Variants in SLX4IP observed in about 807,000 individuals in gnomAD.
SLX4IP encodes protein SLX4IP.
SLX4IP carries 34 observed loss-of-function variants against 32.9 expected under a neutral mutation model. The ratio of observed to expected loss-of-function variants is 1.03; its 90% CI spans 0.79 to 1.38. SLX4IP has a LOEUF of 1.38. SLX4IP is among the 40% of genes most tolerant of loss of function. The pLI, the probability that SLX4IP is intolerant of heterozygous loss-of-function variation, is 0.00. For synonymous variants in SLX4IP, 172 were observed against 171.7 expected, an observed-to-expected ratio of 1.00 and a Z score of -0.01; for missense variants, 444 against 479.0, an observed-to-expected ratio of 0.93 and a Z score of 0.68.
intron 1 of SLX4IP, 64 bp from the exon 2 acceptor site, chr20:10,458,112 T>C (rs1363696130): frequency 2.0e-6 from 2 of 1,022,936 alleles, no homozygotes; most frequent in African/African-American, 3.3e-5. Flanking sequence ...ATCTTTTTCC[T>C]GTATAATATC....
intron 4 of SLX4IP, among the ~76,000 whole-genome samples, chr20:10,582,556 A>G (rs1372446133): frequency 6.6e-6 from 1 of 152,144 alleles, no homozygotes; most frequent in Non-Finnish European, 1.5e-5. Flanking sequence ...TGAGTCTGCA[A>G]GATGTGTGTG....
chr20:10,545,752 A>C (rs1041639532), intron 2 of SLX4IP, among the ~76,000 whole-genome samples: 1 of 152,154 alleles, frequency 6.6e-6, no homozygotes, highest in African/African-American at 2.4e-5. Context: ...CTTTGGTTCC[A>C]CCCACAGAGG....
At chr20:10,618,899 T>C (rs1168067471) in intron 6 of SLX4IP, among the ~76,000 whole-genome samples, 8 of 128,588 alleles carry the variant, frequency 6.2e-5, no homozygotes, top group African/African-American at 2.4e-4. Flanking sequence ...TCCCAGGTGA[T>C]AGCTGCTTCC....
chr20:10,565,656 A>G (rs528876983), intron 4 of SLX4IP, among the ~76,000 whole-genome samples: 6 of 152,396 alleles, frequency 3.9e-5, no homozygotes, highest in African/African-American at 1.4e-4. Flanking sequence ...TCATCAAAAC[A>G]TAGGATGATG....
At chr20:10,609,894 CTG>C (rs1360101574) in intron 6 of SLX4IP, among the ~76,000 whole-genome samples, 1 of 151,976 alleles carries the variant, frequency 6.6e-6, no homozygotes, top group East Asian at 1.9e-4. Context: ...TACTTTTAAA[CTG>C]GAGTTACTAG....
At chr20:10,469,872 A>T (rs1171377465) in intron 2 of SLX4IP, among the ~76,000 whole-genome samples, 1 of 152,140 alleles carries the variant, frequency 6.6e-6, no homozygotes, top group Non-Finnish European at 1.5e-5. Context: ...GCCTTTTATG[A>T]ATGTGTATAT....
At chr20:10,557,835 T>G (rs935880613) in intron 3 of SLX4IP, among the ~76,000 whole-genome samples, 1 of 152,102 alleles carries the variant, frequency 6.6e-6, no homozygotes, top group Non-Finnish European at 1.5e-5. Flanking sequence ...TAGGTTTTTG[T>G]TTTTTTAGGA....
At chr20:10,615,360 ACTCT>A (rs1266791871) in intron 6 of SLX4IP, among the ~76,000 whole-genome samples, 2 of 151,830 alleles carry the variant, frequency 1.3e-5, no homozygotes, top group African/African-American at 4.8e-5. Context: ...CTTCCATGTC[ACTCT>A]CTCTTGCCTC....
chr20:10,474,183 T>C (rs1387496694), intron 2 of SLX4IP, among the ~76,000 whole-genome samples: 1 of 152,152 alleles, frequency 6.6e-6, no homozygotes, highest in East Asian at 1.9e-4. Flanking sequence ...CCCAAAGTGC[T>C]GGGTTTACAG....
intron 1 of SLX4IP, among the ~76,000 whole-genome samples, chr20:10,446,080 G>A (rs1330080619): frequency 1.3e-5 from 2 of 151,778 alleles, no homozygotes; most frequent in African/African-American, 4.8e-5. Context: ...CACGTTGAAG[G>A]ATGTCTGGGT....
In SLX4IP at chr20:10,476,432, A is replaced by G. The variant is rs1335381995; in HGVS notation, c.27+18201A>G. Among the ~76,000 whole-genome samples, 4 of 152,202 alleles carry G rather than the reference A, an allele frequency of 2.6e-5. No homozygotes were observed. In the South Asian group the frequency reaches 6.2e-4, roughly 24 times the overall value. ...GTACTTCCTCCACAACAAAAAATGC[A>G]TTGTAGCTTTAGTATTTTTAATTGT... is the stretch of plus-strand genomic sequence containing the variant. On this transcript the variant is annotated intron_variant, in intron 2 of 7. Transcript: ENST00000334534.
At chr20:10,539,018 G>A (rs768504810) in intron 2 of SLX4IP, among the ~76,000 whole-genome samples, 20 of 152,280 alleles carry the variant, frequency 1.3e-4, no homozygotes, top group Middle Eastern at 3.4e-3. Context: ...AAATAATTTA[G>A]TGTCTTTTTA....
At chr20:10,456,586 C>T (rs59371580) in intron 1 of SLX4IP, among the ~76,000 whole-genome samples, 5 of 152,150 alleles carry the variant, frequency 3.3e-5, no homozygotes, top group South Asian at 2.1e-4. Context: ...GTGATCTACC[C>T]GCCTCGGCCT....
chr20:10,464,510 C>T (rs986659044), intron 2 of SLX4IP, among the ~76,000 whole-genome samples: 2 of 151,800 alleles, frequency 1.3e-5, no homozygotes, highest in Non-Finnish European at 2.9e-5. Context: ...ATAGTGAGAC[C>T]CCATCTCTAA....
intron 2 of SLX4IP, among the ~76,000 whole-genome samples, chr20:10,466,486 G>A (rs1005830925): frequency 5.9e-5 from 9 of 152,090 alleles, no homozygotes; most frequent in African/African-American, 2.2e-4. Flanking sequence ...GAAAATTTTT[G>A]TTGGGAGGGC....
At chr20:10,535,327 T>C (rs2066030945) in intron 2 of SLX4IP, among the ~76,000 whole-genome samples, 2 of 152,118 alleles carry the variant, frequency 1.3e-5, no homozygotes, top group African/African-American at 4.8e-5. Flanking sequence ...GTGCAGGTTT[T>C]GTTTGTTTTT....
chr20:10,446,321 A>G (rs931867759), intron 1 of SLX4IP, among the ~76,000 whole-genome samples: 4 of 151,302 alleles, frequency 2.6e-5, no homozygotes, highest in Admixed American at 2.6e-4. Context: ...CTGAGGCAAG[A>G]GAATCACTTG....
At chr20:10,513,661 A>C (rs1191327632) in intron 2 of SLX4IP, among the ~76,000 whole-genome samples, 1 of 152,186 alleles carries the variant, frequency 6.6e-6, no homozygotes, top group African/African-American at 2.4e-5. Flanking sequence ...TTTGCATTAG[A>C]GCTGCCTCTG....
intron 4 of SLX4IP, among the ~76,000 whole-genome samples, chr20:10,591,702 C>A (rs1035703552): frequency 6.6e-6 from 1 of 152,132 alleles, no homozygotes; most frequent in South Asian, 2.1e-4. Flanking sequence ...ATTGTGGGAA[C>A]CATAGTTTTG....
Sources: allele counts gnomAD v4.1 joint callset (sites outside exome capture counted in the v4.1 genomes callset), GRCh38; gene constraint gnomAD v4.1.1; transcripts MANE v1.5; gene names NCBI Gene and HGNC (gene_info 2026-07-23, HGNC 2026-07-21).